The following TNPO2 variants were observed in gnomAD, a reference collection of about 807,000 sequenced individuals.
TNPO2 encodes transportin-2.
In TNPO2, 16 loss-of-function variants were observed where a neutral mutation model predicts 111.1. That is an observed-to-expected ratio of 0.14 (90% CI 0.10 to 0.22). The LOEUF (loss-of-function observed/expected upper bound fraction) is 0.22. Among genes scored for constraint, TNPO2 ranks in the 10% least tolerant of loss-of-function variants. The pLI, the probability that TNPO2 is intolerant of heterozygous loss-of-function variation, is 1.00. For missense variants in TNPO2, 530 were observed against 1,173.7 expected, an observed-to-expected ratio of 0.45 and a Z score of 8.01; for synonymous variants, 481 against 475.8, an observed-to-expected ratio of 1.01 and a Z score of -0.14.
In TNPO2 at chr19:12,699,980, G is replaced by A. The variant is rs1193875941; in HGVS notation, c.*1284C>T. 1 of 152,196 alleles carries A rather than the reference G, an allele frequency of 6.6e-6. No individual in the cohort carries two copies. The highest frequency in any genetic ancestry group is 1.9e-4 in the East Asian group (1 of 5,188). The allele number at this position is 152,196 out of a possible 1,614,324, so 9.4% of individuals were successfully genotyped here. On this transcript the variant is annotated 3_prime_UTR_variant, in exon 26 of 26. Coordinates refer to ENST00000425528, the MANE Select transcript of TNPO2 (RefSeq NM_001382241.1). The stretch of plus-strand genomic sequence containing the variant: ...GCAAGGCCCAGTTTTCTGGCCAACT[G>A]GGAAGTAACTACACCCCCACCCTCT...
intron 10 of TNPO2, 70 bp downstream of exon 10, chr19:12,714,751 C>A: frequency 8.1e-7 from 1 of 1,233,416 alleles, no homozygotes; most frequent in Non-Finnish European, 1.2e-6. Context: ...AGCAGGTGAC[C>A]AGAAGGGAAG....
chr19:12,705,137 C>T lies in TNPO2; in HGVS notation c.2022+103G>A. 2 of 1,231,336 alleles carry T rather than the reference C, an allele frequency of 1.6e-6. No individual in the cohort carries two copies. The highest frequency in any genetic ancestry group is 2.3e-6 in the Non-Finnish European group (2 of 878,756). 76.3% of individuals were successfully genotyped at this position (1,231,336 alleles called of 1,614,324 possible). On this transcript the variant is annotated intron_variant, in intron 18 of 25. Coordinates refer to ENST00000425528, the MANE Select transcript of TNPO2 (RefSeq NM_001382241.1). The surrounding 1 kb of genome is among the most constrained non-coding windows in gnomAD (Gnocchi z 7.2). ...ACTCTTTAAAATAATTAGAACAGCA[C>T]CTTTTCCCTGATTTCCTTTGGGCAC... is the stretch of plus-strand genomic sequence containing the variant.
Position 12,705,715 on chromosome 19 carries a change from C to A in TNPO2, c.1722G>T (p.Lys574Asn), listed in dbSNP as rs865811996. Residue 574 changes from lysine to asparagine, a missense_variant, in exon 16 of 26, where the codon AAG (lysine) becomes AAT (asparagine). By Grantham distance (94) the Lys-to-Asn change is moderately conservative. Around this residue, in one of 4 missense-constraint regions of TNPO2, gnomAD observed 183 missense variants for 481.0 expected, o/e 0.38. Transcript: ENST00000425528. This position sits in a 1 kb window ranked among gnomAD's most constrained non-coding sequence, Gnocchi z 7.2. The stretch of plus-strand genomic sequence containing the variant: ...GGGGGAAGAGGTCCTTGTCTTCGTC[C>A]TTGAGCTCATTCCACTTCTGGATCA... The part of the protein sequence containing the change: ...PPLIQKWNEL[K>N]DEDKDLFPLL... The A allele has an allele frequency of 6.7e-7, 1 of 1,495,954 alleles. No homozygotes were observed. 92.7% of individuals were successfully genotyped at this position (1,495,954 alleles called of 1,614,324 possible). A position where few individuals can be genotyped will look rare whatever the true frequency, so the allele number is the denominator to read the frequency against.
intron 10 of TNPO2, among the ~76,000 whole-genome samples, chr19:12,712,042 A>G (rs1568336224): frequency 1.3e-5 from 2 of 152,178 alleles, no homozygotes; most frequent in Non-Finnish European, 2.9e-5. Flanking sequence ...ATTAATCATT[A>G]GTTTGTAGCA....
rs774275450 is a variant in TNPO2 at position 12,706,476 on chromosome 19, A to G, written c.1496+94T>C. Reference sequence around the variant, plus strand: ...GGATCAGCCAGTACGAATACGCGATAAATCAGTTCCACATCAACAGTCACA... The same window carrying G: ...GGATCAGCCAGTACGAATACGCGATGAATCAGTTCCACATCAACAGTCACA... On this transcript the variant is annotated intron_variant, in intron 14 of 25. Coordinates refer to ENST00000425528, the MANE Select transcript of TNPO2 (RefSeq NM_001382241.1). The surrounding 1 kb of genome is among the most constrained non-coding windows in gnomAD (Gnocchi z 7.0). 3 of 1,572,676 alleles carry G rather than the reference A, an allele frequency of 1.9e-6. No homozygotes were observed. Among genetic ancestry groups the G allele is most frequent in the Admixed American group, 3.3e-5 (2 of 59,976 alleles).
Position 12,715,889 on chromosome 19 carries a change from A to C in TNPO2, c.326-150T>G. ...CCCTCCTTTTTTTTTTCTTTGTAAGAGATAGAATTAGCTCTGTTGCCCAGG... is the reference window on the plus strand; with the variant it reads ...CCCTCCTTTTTTTTTTCTTTGTAAGCGATAGAATTAGCTCTGTTGCCCAGG... On this transcript the variant is annotated intron_variant, in intron 5 of 25. Coordinates refer to ENST00000425528, the MANE Select transcript of TNPO2 (RefSeq NM_001382241.1). This position sits in a 1 kb window ranked among gnomAD's most constrained non-coding sequence, Gnocchi z 7.1. 1 of 641,232 alleles carries C rather than the reference A, an allele frequency of 1.6e-6. No individual in the cohort carries two copies. Among genetic ancestry groups the C allele is most frequent in the East Asian group, 2.7e-5 (1 of 36,428 alleles). 39.7% of individuals were successfully genotyped at this position (641,232 alleles called of 1,614,324 possible). A position where few individuals can be genotyped will look rare whatever the true frequency, so the allele number is the denominator to read the frequency against.
intron 12 of TNPO2, among the ~76,000 whole-genome samples, 191 bp from the exon 13 acceptor site, chr19:12,710,964 G>C (rs184285126): frequency 6.6e-5 from 10 of 152,050 alleles, no homozygotes; most frequent in Admixed American, 4.6e-4. Context: ...GCGCTATCTC[G>C]GCTCACTGCA....
chr19:12,703,651 T>C, intron 19 of TNPO2, 63 bp downstream of exon 19: 1 of 1,581,882 alleles, frequency 6.3e-7, no homozygotes, highest in Admixed American at 1.7e-5. Context: ...TCCCCGGGTA[T>C]TGCTCTCCAT....
Position 12,719,439 on chromosome 19 carries a change from G to C in TNPO2, c.100-103C>G. 1 of 948,664 alleles carries C rather than the reference G, an allele frequency of 1.1e-6. No individual in the cohort carries two copies. The highest frequency in any genetic ancestry group is 1.7e-6 in the Non-Finnish European group (1 of 598,818). 58.8% of individuals were successfully genotyped at this position (948,664 alleles called of 1,614,324 possible). A position where few individuals can be genotyped will look rare whatever the true frequency, so the allele number is the denominator to read the frequency against. ...TCTGACCACTGGGACCAGGCTGCCAGCTCCTGGGGGATCCCGCTCCCTAAT... is the reference window on the plus strand; with the variant it reads ...TCTGACCACTGGGACCAGGCTGCCACCTCCTGGGGGATCCCGCTCCCTAAT... On this transcript the variant is annotated intron_variant, in intron 3 of 25. Transcript: ENST00000425528. This position sits in a 1 kb window ranked among gnomAD's most constrained non-coding sequence, Gnocchi z 5.0.
At position 12,701,540 on chromosome 19, in the gene TNPO2, A is replaced by T; in HGVS notation, c.2586+58T>A. ...CCCATCCCCAGGCCCCATTGTTACC[A>T]GATGGTCTCACCCCTGCCTGCTCCC... On this transcript the variant is annotated intron_variant, in intron 24 of 25. Coordinates refer to ENST00000425528, the MANE Select transcript of TNPO2 (RefSeq NM_001382241.1). The surrounding 1 kb of genome is among the most constrained non-coding windows in gnomAD (Gnocchi z 5.0). The T allele has an allele frequency of 6.2e-7, 1 of 1,605,042 alleles. No individual in the cohort carries two copies. The highest frequency in any genetic ancestry group is 8.5e-7 in the Non-Finnish European group (1 of 1,172,058).
rs532556371 is a variant in TNPO2, at chr19:12,719,970, A to T, written c.100-634T>A. ...CCATGAAGACTTTTTTTTTTTTTTT[A>T]AAAGAGGGAATCCAAATTTTGGGGT... On this transcript the variant is annotated intron_variant, in intron 3 of 25. Coordinates refer to ENST00000425528, the MANE Select transcript of TNPO2 (RefSeq NM_001382241.1). The surrounding 1 kb of genome is among the most constrained non-coding windows in gnomAD (Gnocchi z 5.0). Among the ~76,000 whole-genome samples the T allele has an allele frequency of 0.029, 4,379 of 148,754 alleles. 207 individuals are homozygous for T. The highest frequency in any genetic ancestry group is 0.1 in the African/African-American group (4,015 of 40,234).
At position 12,706,395 on chromosome 19, in the gene TNPO2, C is replaced by T. The variant is rs759441545; in HGVS notation, c.1497-28G>A. The stretch of plus-strand genomic sequence containing the variant: ...GGTGGGAGGGAGGATGAAGCGGGGG[C>T]TCAGTGGACCATGGCAGGTGACACT... On this transcript the variant is annotated intron_variant, in intron 14 of 25. Coordinates refer to ENST00000425528, the MANE Select transcript of TNPO2 (RefSeq NM_001382241.1). This position sits in a 1 kb window ranked among gnomAD's most constrained non-coding sequence, Gnocchi z 7.0. The T allele has an allele frequency of 5.6e-6, 9 of 1,613,616 alleles. No homozygotes were observed. The highest frequency in any genetic ancestry group is 7.6e-6 in the Non-Finnish European group (9 of 1,179,906).
intron 13 of TNPO2, among the ~76,000 whole-genome samples, chr19:12,708,630 G>A (rs1051140305): frequency 6.7e-6 from 1 of 148,674 alleles, no homozygotes; most frequent in African/African-American, 2.6e-5. Flanking sequence ...ACTCTGGGAA[G>A]CTGAGGCAGA....
Position 12,701,644 on chromosome 19 carries a change from G to A in TNPO2, c.2540C>T (p.Ala847Val). The A allele has an allele frequency of 1.2e-6, 2 of 1,613,846 alleles. No homozygotes were observed. Among genetic ancestry groups the A allele is most frequent in the South Asian group, 1.1e-5 (1 of 91,076 alleles). Residue 847 changes from alanine to valine, a missense_variant, in exon 24 of 26, where the codon GCC (alanine) becomes GTC (valine). This residue lies in a region of TNPO2 where 103 missense variants were observed against 156.7 expected (regional missense o/e 0.66). Transcript: ENST00000425528. This position sits in a 1 kb window ranked among gnomAD's most constrained non-coding sequence, Gnocchi z 5.0. Reference sequence around the variant, plus strand: ...GTCATCCTTCGGGCTCACCCAGGAGGCTACAGCATCGCAGAAGAAAATAAA... The same window carrying A: ...GTCATCCTTCGGGCTCACCCAGGAGACTACAGCATCGCAGAAGAAAATAAA... ...QDFIFFCDAV[A>V]SWVSPKDDLR...
rs2026331546 is a variant in TNPO2, at chr19:12,715,833, T to C, written c.326-94A>G. The stretch of plus-strand genomic sequence containing the variant: ...GGACACCCCCAGTGCTGCCTTTCTG[T>C]TCCCTAGCCCATGTACGCCCTCTAC... On this transcript the variant is annotated intron_variant, in intron 5 of 25. Coordinates refer to ENST00000425528, the MANE Select transcript of TNPO2 (RefSeq NM_001382241.1). This position sits in a 1 kb window ranked among gnomAD's most constrained non-coding sequence, Gnocchi z 7.1. 1.0e-6 allele frequency: 1 copy of C among 979,514 alleles called. No individual in the cohort carries two copies. The highest frequency in any genetic ancestry group is 1.5e-5 in the South Asian group (1 of 68,634). The allele number at this position is 979,514 out of a possible 1,614,324, so 60.7% of individuals were successfully genotyped here.
intron 13 of TNPO2, among the ~76,000 whole-genome samples, chr19:12,707,789 A>G (rs1599414056): frequency 6.8e-6 from 1 of 147,496 alleles, no homozygotes; most frequent in Admixed American, 6.8e-5. Flanking sequence ...TGATTGTTCT[A>G]TTTCTCCTTA....
At position 12,721,139 on chromosome 19, in the gene TNPO2, G is replaced by C; in HGVS notation, c.-13-149C>G. On this transcript the variant is annotated intron_variant, in intron 2 of 25. Coordinates refer to ENST00000425528, the MANE Select transcript of TNPO2 (RefSeq NM_001382241.1). This position sits in a 1 kb window ranked among gnomAD's most constrained non-coding sequence, Gnocchi z 4.9. ...CTCCGATCCACGCCCGCCCAAGTGC[G>C]GGGTCCCCGCCAGCTGCGCCATCCT... 3 of 1,462,250 alleles carry C rather than the reference G, an allele frequency of 2.1e-6. No homozygotes were observed. Among genetic ancestry groups the C allele is most frequent in the Non-Finnish European group, 2.7e-6 (3 of 1,114,444 alleles). 90.6% of individuals were successfully genotyped at this position (1,462,250 alleles called of 1,614,324 possible).
Position 12,705,487 on chromosome 19 carries a change from C to A in TNPO2, c.1863+5G>T. The A allele has an allele frequency of 6.3e-7, 1 of 1,590,188 alleles. No homozygotes were observed. ...AGCACAGGTGACGGGCCTAGGGTTG[C>A]TCACCATGGCCTGAGCCAGTGTCTT... On this transcript the variant is annotated splice_donor_5th_base_variant and intron_variant, in intron 17 of 25. Transcript: ENST00000425528. The surrounding 1 kb of genome is among the most constrained non-coding windows in gnomAD (Gnocchi z 7.2).
At position 12,721,029 on chromosome 19, in the gene TNPO2, G is replaced by C. The variant is rs369953133; in HGVS notation, c.-13-39C>G. 1.3e-6 allele frequency: 2 copies of C among 1,538,600 alleles called. No individual in the cohort carries two copies. Among genetic ancestry groups the C allele is most frequent in the African/African-American group, 2.7e-5 (2 of 73,120 alleles). On this transcript the variant is annotated intron_variant, in intron 2 of 25. Transcript: ENST00000425528. This position sits in a 1 kb window ranked among gnomAD's most constrained non-coding sequence, Gnocchi z 4.9. ...GGCCGGGGTCAGCGCTGGGTCTCTGGGGCTCCGTGTGAGACCCAGGTGGAG... is the reference window on the plus strand; with the variant it reads ...GGCCGGGGTCAGCGCTGGGTCTCTGCGGCTCCGTGTGAGACCCAGGTGGAG...
Sources: gnomAD v4.1 joint callset for allele counts (sites outside exome capture counted in the v4.1 genomes callset) on GRCh38, gnomAD v4.1.1 for gene constraint, gnomAD v4.1.1 regional missense constraint, Gnocchi (gnomAD v3.1) non-coding constraint, MANE v1.5 for transcripts, NCBI Gene and HGNC (gene_info 2026-07-23, HGNC 2026-07-21) for gene names.